PTPRM: variants seen among roughly 807,000 people sequenced by gnomAD.
PTPRM encodes the protein receptor-type tyrosine-protein phosphatase mu.
Under a neutral mutation model 186.7 loss-of-function variants are expected in PTPRM, and 47 were observed. That is an observed-to-expected ratio of 0.25 (90% confidence interval 0.20 to 0.32). The LOEUF is 0.32. Ranked by LOEUF, PTPRM falls within the 10% of genes least tolerant of loss-of-function variation. PTPRM has a pLI of 1.00. For missense variants in PTPRM, 1,494 were observed against 1,865.0 expected (o/e 0.80, Z 3.66); for synonymous variants, 668 against 674.9 (o/e 0.99, Z 0.16).
At chr18:7,825,615 C>T (rs1004264815) in intron 2 of PTPRM, among the ~76,000 whole-genome samples, 2 of 152,098 alleles carry the variant, frequency 1.3e-5, no homozygotes, top group African/African-American at 4.8e-5. Flanking sequence ...TAGAGGTTGG[C>T]TGATCCCTGT....
At chr18:7,866,234 G>C (rs1179898073) in intron 2 of PTPRM, among the ~76,000 whole-genome samples, 5 of 152,042 alleles carry the variant, frequency 3.3e-5, no homozygotes, top group Non-Finnish European at 7.4e-5. Context: ...GCTAGCTTTT[G>C]ATTTTGTTTG....
intron 14 of PTPRM, among the ~76,000 whole-genome samples, chr18:8,216,447 A>G (rs1278946560): frequency 6.6e-6 from 1 of 152,248 alleles, no homozygotes; most frequent in Non-Finnish European, 1.5e-5. Context: ...AGCAGTTCAG[A>G]TATGTAAAAC....
At chr18:8,006,607 C>T (rs1487422718) in intron 7 of PTPRM, among the ~76,000 whole-genome samples, 2 of 152,116 alleles carry the variant, frequency 1.3e-5, no homozygotes, top group Non-Finnish European at 2.9e-5. Context: ...CTCCAGGAAA[C>T]CATGGGTAGA....
intron 1 of PTPRM, among the ~76,000 whole-genome samples, chr18:7,772,163 C>T (rs2042296555): frequency 6.6e-6 from 1 of 152,162 alleles, no homozygotes; most frequent in Admixed American, 6.5e-5. Context: ...GCATACTTTG[C>T]CTGTTGCCTG....
intron 14 of PTPRM, among the ~76,000 whole-genome samples, chr18:8,156,837 G>T (rs532039406): frequency 1.5e-4 from 13 of 87,356 alleles, no homozygotes; most frequent in East Asian, 2.7e-3. Context: ...CTAAATAAAT[G>T]CTTTTTTCGT....
intron 2 of PTPRM, among the ~76,000 whole-genome samples, chr18:7,796,589 G>A (rs777144388): frequency 6.6e-6 from 1 of 152,166 alleles, no homozygotes; most frequent in Admixed American, 6.5e-5. Context: ...ATTCCCAGTG[G>A]TAGGGGAGCA....
chr18:7,742,059 G>A (rs896843537), intron 1 of PTPRM: 3 of 152,160 alleles, frequency 2.0e-5, no homozygotes, highest in African/African-American at 4.8e-5. Context: ...ATTTCCTGGA[G>A]TTTGAAGGAA....
At chr18:7,919,974 C>T (rs2050767917) in intron 4 of PTPRM, among the ~76,000 whole-genome samples, 1 of 151,864 alleles carries the variant, frequency 6.6e-6, no homozygotes, top group African/African-American at 2.4e-5. Flanking sequence ...TGATTTGCAC[C>T]CTATTTTATC....
intron 1 of PTPRM, among the ~76,000 whole-genome samples, chr18:7,772,444 CCCTTCCTT>C (rs200187256): frequency 0.024 from 2,189 of 92,382 alleles, 116 homozygotes; most frequent in African/African-American, 0.085. Context: ...CTTCCCCTTC[CCCTTCCTT>C]CCTTCCTTCC....
chr18:8,378,937 C>T (rs990622816), intron 27 of PTPRM, among the ~76,000 whole-genome samples: 1 of 152,168 alleles, frequency 6.6e-6, no homozygotes, highest in Admixed American at 6.5e-5. Flanking sequence ...TAGGGACCCA[C>T]AGTGGCCCTT....
intron 7 of PTPRM, among the ~76,000 whole-genome samples, chr18:8,067,378 A>G (rs529652231): frequency 2.0e-4 from 31 of 152,298 alleles, no homozygotes; most frequent in African/African-American, 7.2e-4. Flanking sequence ...TGTTATTTCT[A>G]AATAATTTAT....
intron 14 of PTPRM, among the ~76,000 whole-genome samples, chr18:8,180,382 CTG>C (rs1476089200): frequency 6.6e-6 from 1 of 152,178 alleles, no homozygotes; most frequent in Non-Finnish European, 1.5e-5. Context: ...GAGGGAGTGA[CTG>C]TGGCAACTTT....
At position 7,663,354 on chromosome 18, in the gene PTPRM, G is replaced by A. The variant is rs117567217; in HGVS notation, c.73+95463G>A. 4.0e-4 allele frequency among the ~76,000 whole-genome samples: 61 copies of A among 152,312 alleles called. No homozygotes were observed. The East Asian group carries it at 0.012, about 29-fold the overall frequency. ...CTTCATTCATTTATTGGGCAACTGA[G>A]AGGGGTGGGGCAGTGTTCTAGGCAC... On this transcript the variant is annotated intron_variant, in intron 1 of 32. Transcript: ENST00000580170.
intron 14 of PTPRM, among the ~76,000 whole-genome samples, chr18:8,240,553 A>AAGGAAG (rs1568583045): frequency 7.2e-4 from 56 of 77,408 alleles, no homozygotes; most frequent in Non-Finnish European, 1.1e-3. Flanking sequence ...AAGGAAGGAA[A>AAGGAAG]GAAGGAAAGA....
intron 29 of PTPRM, among the ~76,000 whole-genome samples, chr18:8,381,436 A>G (rs1305203882): frequency 6.6e-6 from 1 of 151,936 alleles, no homozygotes; most frequent in Non-Finnish European, 1.5e-5. Flanking sequence ...TCCTTCCTAC[A>G]ATCTGTTTTC....
chr18:7,624,056 G>T (rs777126508), intron 1 of PTPRM, among the ~76,000 whole-genome samples: 1 of 152,150 alleles, frequency 6.6e-6, no homozygotes, highest in Non-Finnish European at 1.5e-5. Flanking sequence ...GGATCAGGCG[G>T]TGTATACTGG....
intron 2 of PTPRM, among the ~76,000 whole-genome samples, chr18:7,833,785 A>AACAACAAC (rs761681503): frequency 1.4e-5 from 2 of 144,078 alleles, no homozygotes; most frequent in African/African-American, 5.0e-5. Context: ...ACAACAACAA[A>AACAACAAC]AGCAATGCAT....
intron 14 of PTPRM, among the ~76,000 whole-genome samples, chr18:8,241,485 T>C (rs1015510799): frequency 6.6e-6 from 1 of 152,290 alleles, no homozygotes; most frequent in African/African-American, 2.4e-5. Context: ...CAAACATGCT[T>C]TATTTGGGCT....
At chr18:7,702,463 T>A (rs2039987650) in intron 1 of PTPRM, among the ~76,000 whole-genome samples, 1 of 152,210 alleles carries the variant, frequency 6.6e-6, no homozygotes, top group African/African-American at 2.4e-5. Context: ...GTTTTTTTCA[T>A]GTTTGTTGGC....
Sources: allele counts gnomAD v4.1 joint callset (sites outside exome capture counted in the v4.1 genomes callset), GRCh38; gene constraint gnomAD v4.1.1; transcripts MANE v1.5; gene names NCBI Gene and HGNC (gene_info 2026-07-23, HGNC 2026-07-21).